Variants in KSR1 observed in about 807,000 individuals in gnomAD.
KSR1 encodes kinase suppressor of ras 1.
Under a neutral mutation model 92.9 loss-of-function variants are expected in KSR1, and 35 were observed. The observed-to-expected ratio is 0.38, with a 90% confidence interval of 0.29 to 0.50. The LOEUF is 0.50. Ranked by LOEUF, KSR1 falls within the 20% of genes least tolerant of loss-of-function variation. KSR1 has a pLI of 0.94. For synonymous variants in KSR1, 467 were observed against 472.6 expected, an observed-to-expected ratio of 0.99 and a Z score of 0.15; for missense variants, 972 against 1,158.5, an observed-to-expected ratio of 0.84 and a Z score of 2.34.
In KSR1 at chr17:27,607,972, A is replaced by G. The variant is rs1356112026; in HGVS notation, c.2053A>G (p.Ile685Val). ...FVRDPKTSLD[I>V]NKTRQIAQEI... Reference sequence around the variant, plus strand: ...GAGGGACCCCAAGACGTCTCTGGACATCAACAAGACGAGGCAAATCGCTCA... The same window carrying G: ...GAGGGACCCCAAGACGTCTCTGGACGTCAACAAGACGAGGCAAATCGCTCA... The change falls in exon 15 of 21, where the codon ATC becomes GTC. Residue 685 changes from isoleucine to valine, a missense_variant. Ile to Val is a conservative substitution (Grantham distance 29, BLOSUM62 3). Coordinates refer to ENST00000644974, the MANE Select transcript of KSR1 (RefSeq NM_001394583.1). The G allele has an allele frequency of 6.2e-7, 1 of 1,611,092 alleles. No individual in the cohort carries two copies. The highest frequency in any genetic ancestry group is 1.3e-5 in the African/African-American group (1 of 75,012).
rs1262641314 is a variant in KSR1 at position 27,583,311 on chromosome 17, A to G, written c.980+206A>G. On this transcript the variant is annotated intron_variant, in intron 4 of 20. Coordinates refer to ENST00000644974, the MANE Select transcript of KSR1 (RefSeq NM_001394583.1). Reference sequence around the variant, plus strand: ...GATTTGGTTTTGTATGTACACGTACATGCACATGACGTGATGCCACGTATG... The same window carrying G: ...GATTTGGTTTTGTATGTACACGTACGTGCACATGACGTGATGCCACGTATG... Among the ~76,000 whole-genome samples, 3 of 152,390 alleles carry G rather than the reference A, an allele frequency of 2.0e-5. No homozygotes were observed. In the East Asian group the frequency reaches 5.8e-4, roughly 29 times the overall value.
chr17:27,562,234 G>C (rs540722053), intron 2 of KSR1, among the ~76,000 whole-genome samples: 40 of 152,310 alleles, frequency 2.6e-4, no homozygotes, highest in African/African-American at 9.4e-4. Flanking sequence ...TGTTGGCAGG[G>C]ACCTGGCTAT....
intron 19 of KSR1, chr17:27,617,795 TG>T: frequency 3.8e-6 from 1 of 264,310 alleles, no homozygotes; most frequent in Non-Finnish European, 7.8e-6. Flanking sequence ...CCCAAAGTGC[TG>T]GGATTACGGG....
Position 27,557,742 on chromosome 17 carries a change from G to T in KSR1, c.372+7034G>T, listed in dbSNP as rs116064654. ...AGTAGAAGGAGTTCTGTCAGGTGAG[G>T]TGGTTCGGAGAGACCATGTGGAGTG... On this transcript the variant is annotated intron_variant, in intron 2 of 20. Coordinates refer to ENST00000644974, the MANE Select transcript of KSR1 (RefSeq NM_001394583.1). 2.4e-3 allele frequency among the ~76,000 whole-genome samples: 361 copies of T among 152,290 alleles called. 2 individuals carry two copies. Among genetic ancestry groups the T allele is most frequent in the African/African-American group, 8.2e-3 (340 of 41,562 alleles).
intron 1 of KSR1, among the ~76,000 whole-genome samples, chr17:27,496,828 G>A (rs2069004292): frequency 6.6e-6 from 1 of 152,210 alleles, no homozygotes; most frequent in Non-Finnish European, 1.5e-5. Flanking sequence ...GAGGGATACC[G>A]AGGGGCTGGC....
At chr17:27,537,884 A>G (rs1171102871) in intron 1 of KSR1, among the ~76,000 whole-genome samples, 1 of 152,220 alleles carries the variant, frequency 6.6e-6, no homozygotes, top group Admixed American at 6.5e-5. Flanking sequence ...TAAATAAAAA[A>G]GATACAACAA....
At chr17:27,545,913 T>C (rs1482223938) in intron 1 of KSR1, among the ~76,000 whole-genome samples, 2 of 152,186 alleles carry the variant, frequency 1.3e-5, no homozygotes, top group African/African-American at 4.8e-5. Flanking sequence ...GGCGAAAGTC[T>C]TGTGCAAATG....
intron 1 of KSR1, among the ~76,000 whole-genome samples, chr17:27,501,956 CTT>C (rs1285414235): frequency 6.6e-6 from 1 of 152,236 alleles, no homozygotes. Flanking sequence ...AGCATGCAGA[CTT>C]TGCACAAATT....
chr17:27,521,262 AG>A (rs1034587714), intron 1 of KSR1, among the ~76,000 whole-genome samples: 8 of 151,940 alleles, frequency 5.3e-5, no homozygotes, highest in Admixed American at 4.6e-4. Context: ...CCAAGCTGAA[AG>A]GACTGCTCAG....
chr17:27,518,434 C>T (rs751089630), intron 1 of KSR1, among the ~76,000 whole-genome samples: 2 of 152,152 alleles, frequency 1.3e-5, no homozygotes, highest in Non-Finnish European at 2.9e-5. Context: ...TTCTTTCCGT[C>T]CTTTCTTTTG....
At chr17:27,468,238 A>ATT (rs942393415) in intron 1 of KSR1, among the ~76,000 whole-genome samples, 3 of 143,452 alleles carry the variant, frequency 2.1e-5, no homozygotes, top group African/African-American at 2.6e-5. Flanking sequence ...GTGGCCAATT[A>ATT]TTTTTTTTTT....
In KSR1 at chr17:27,459,780, A is replaced by G. The variant is rs537493243; in HGVS notation, c.231+2906A>G. 4.6e-5 allele frequency among the ~76,000 whole-genome samples: 7 copies of G among 152,356 alleles called. No individual in the cohort carries two copies. The South Asian group carries it at 1.4e-3, about 32-fold the overall frequency. ...GAAATGTCCGTGGAGGTCCCTGACC[A>G]GGGATGGGCTGCTGCTGCCTGAAAT... On this transcript the variant is annotated intron_variant, in intron 1 of 20. Coordinates refer to ENST00000644974, the MANE Select transcript of KSR1 (RefSeq NM_001394583.1). The surrounding 1 kb of genome is among the most constrained non-coding windows in gnomAD (Gnocchi z 4.6).
rs546287745 is a variant in KSR1, at chr17:27,457,278, C to T, written c.231+404C>T. On this transcript the variant is annotated intron_variant, in intron 1 of 20. Coordinates refer to ENST00000644974, the MANE Select transcript of KSR1 (RefSeq NM_001394583.1). The stretch of plus-strand genomic sequence containing the variant: ...GGCCAGGGTGACGGAGGAGGTTCCC[C>T]TGAAGCGTGATCGCAGGCCTGCCGT... 5.9e-5 allele frequency among the ~76,000 whole-genome samples: 9 copies of T among 152,326 alleles called. No homozygotes were observed. The South Asian group carries it at 1.7e-3, about 28-fold the overall frequency.
chr17:27,503,843 G>T (rs374567074), intron 1 of KSR1, among the ~76,000 whole-genome samples: 2 of 152,282 alleles, frequency 1.3e-5, no homozygotes, highest in South Asian at 4.1e-4. Context: ...GGAGGTGCGG[G>T]TCGGAGCTCC....
At chr17:27,486,641 C>T (rs552447916) in intron 1 of KSR1, among the ~76,000 whole-genome samples, 1 of 152,302 alleles carries the variant, frequency 6.6e-6, no homozygotes, top group African/African-American at 2.4e-5. Flanking sequence ...GGAGTGCCAA[C>T]CTTGACTGTG....
At chr17:27,526,917 C>T in intron 1 of KSR1, 1 of 623,940 alleles carries the variant, frequency 1.6e-6, no homozygotes, top group Non-Finnish European at 2.9e-6. Context: ...GACTTGGTTA[C>T]TCAGGAGGGG....
At chr17:27,582,590 C>G in intron 3 of KSR1, 56 bp from the exon 4 acceptor site, 1 of 1,500,410 alleles carries the variant, frequency 6.7e-7, no homozygotes, top group Non-Finnish European at 9.1e-7. Flanking sequence ...CTAGCCATCT[C>G]CCCTGTGAAT....
chr17:27,475,774 G>A (rs1435569151), intron 1 of KSR1, among the ~76,000 whole-genome samples: 1 of 152,224 alleles, frequency 6.6e-6, no homozygotes, highest in African/African-American at 2.4e-5. Context: ...GTGGTAAGGG[G>A]AGGTTTGGCA....
chr17:27,601,157 C>T (rs1182871846), intron 10 of KSR1: 2 of 583,948 alleles, frequency 3.4e-6, no homozygotes. Context: ...TTTAGTCCTG[C>T]AGACTCCTGC....
Sources: gnomAD v4.1 joint callset for allele counts (sites outside exome capture counted in the v4.1 genomes callset) on GRCh38, gnomAD v4.1.1 for gene constraint, Gnocchi (gnomAD v3.1) non-coding constraint, MANE v1.5 for transcripts, NCBI Gene and HGNC (gene_info 2026-07-23, HGNC 2026-07-21) for gene names.